SLC38A12: variants seen among roughly 807,000 people sequenced by gnomAD.
SLC38A12 encodes the protein putative sodium-coupled neutral amino acid transporter 12.
At chr17:74,805,547 AC>A in the SLC38A12 span, among the ~76,000 whole-genome samples, 2 of 152,120 alleles carry the variant, frequency 1.3e-5, no homozygotes, top group African/African-American at 4.8e-5. This position sits in a 1 kb window ranked among gnomAD's most constrained non-coding sequence, Gnocchi z 5.0. Flanking sequence ...TGCTGATGTC[AC>A]TTCTCAAACC....
At chr17:74,804,218 CG>C in the SLC38A12 span, among the ~76,000 whole-genome samples, 3 of 152,236 alleles carry the variant, frequency 2.0e-5, no homozygotes, top group Non-Finnish European at 4.4e-5. Context: ...TTCTATATAG[CG>C]CCCCAGGGCC....
At chr17:74,795,128 C>T in the SLC38A12 span, 22 of 1,608,456 alleles carry the variant, frequency 1.4e-5, no homozygotes, top group East Asian at 1.3e-4. Context: ...ACCCTCCTGG[C>T]CCCCAGGTTG....
At chr17:74,790,194 T>C in the SLC38A12 span, 3 of 1,610,990 alleles carry the variant, frequency 1.9e-6, no homozygotes, top group Non-Finnish European at 2.5e-6. Context: ...TCCTACTGGC[T>C]CCCAGGAGGA....
At chr17:74,837,682 G>A in the SLC38A12 span, 1 of 985,600 alleles carries the variant, frequency 1.0e-6, no homozygotes, top group Non-Finnish European at 1.2e-6. Flanking sequence ...TGGGCAATGT[G>A]GGGTTGGATG....
chr17:74,821,584 C>G, the SLC38A12 span, among the ~76,000 whole-genome samples: 1 of 152,316 alleles, frequency 6.6e-6, no homozygotes, highest in East Asian at 1.9e-4. Flanking sequence ...ATCAGAAACA[C>G]CAGGGCTCAG....
chr17:74,779,239 C>G, the SLC38A12 span, among the ~76,000 whole-genome samples: 1 of 152,192 alleles, frequency 6.6e-6, no homozygotes, highest in Non-Finnish European at 1.5e-5. Context: ...GGGGTCCTCT[C>G]ACATGTCAGC....
chr17:74,778,029 G>A, the SLC38A12 span, among the ~76,000 whole-genome samples: 1 of 152,156 alleles, frequency 6.6e-6, no homozygotes, highest in South Asian at 2.1e-4. Context: ...CTCAGCAGTT[G>A]GAAACCGCTT....
chr17:74,787,500 T>C, the SLC38A12 span, among the ~76,000 whole-genome samples: 1 of 151,654 alleles, frequency 6.6e-6, no homozygotes. Flanking sequence ...CGGGTGCCTG[T>C]AGTCCCAGCT....
the SLC38A12 span, among the ~76,000 whole-genome samples, chr17:74,791,875 G>A: frequency 0.027 from 4,100 of 151,978 alleles, 79 homozygotes; most frequent in Middle Eastern, 0.044. Flanking sequence ...GGCCGGGCAC[G>A]GTGGCTAACT....
the SLC38A12 span, among the ~76,000 whole-genome samples, chr17:74,818,367 T>G: frequency 6.6e-6 from 1 of 152,256 alleles, no homozygotes; most frequent in Non-Finnish European, 1.5e-5. Context: ...CCATGCCTGG[T>G]GGCTGCCAGG....
chr17:74,822,786 C>T, the SLC38A12 span, among the ~76,000 whole-genome samples: 2 of 152,196 alleles, frequency 1.3e-5, no homozygotes, highest in Admixed American at 1.3e-4. Flanking sequence ...CTGGAACCAG[C>T]GGGGTATTTT....
At chr17:74,821,596 C>T in the SLC38A12 span, among the ~76,000 whole-genome samples, 2 of 152,200 alleles carry the variant, frequency 1.3e-5, no homozygotes, top group African/African-American at 2.4e-5. Context: ...AGGGCTCAGC[C>T]GTCCACCCTT....
the SLC38A12 span, among the ~76,000 whole-genome samples, chr17:74,791,521 G>A: frequency 2.8e-4 from 43 of 152,264 alleles, no homozygotes; most frequent in African/African-American, 8.4e-4. Context: ...GATGGAGGCC[G>A]GTTGATGGTT....
chr17:74,815,387 A>T, the SLC38A12 span, among the ~76,000 whole-genome samples: 1 of 152,182 alleles, frequency 6.6e-6, no homozygotes, highest in African/African-American at 2.4e-5. Context: ...GGACCCGGAG[A>T]CTGTACAAGG....
the SLC38A12 span, among the ~76,000 whole-genome samples, chr17:74,821,417 G>A: frequency 6.6e-6 from 1 of 152,236 alleles, no homozygotes; most frequent in Non-Finnish European, 1.5e-5. Flanking sequence ...GCACTCACAA[G>A]TTCCAAAGCC....
chr17:74,826,952 C>T, the SLC38A12 span, among the ~76,000 whole-genome samples: 6 of 152,180 alleles, frequency 3.9e-5, no homozygotes, highest in Non-Finnish European at 7.3e-5. Flanking sequence ...TGGGGTCCTA[C>T]TTGCCCTCCT....
At chr17:74,835,184 G>A in the SLC38A12 span, among the ~76,000 whole-genome samples, 1 of 152,184 alleles carries the variant, frequency 6.6e-6, no homozygotes, top group African/African-American at 2.4e-5. Context: ...TCCCCTAGCT[G>A]TGCTGCCAGG....
the SLC38A12 span, among the ~76,000 whole-genome samples, chr17:74,778,904 G>A: frequency 6.6e-6 from 1 of 152,160 alleles, no homozygotes; most frequent in Non-Finnish European, 1.5e-5. Context: ...CTGACCTCAG[G>A]TGATCCACCC....
At chr17:74,785,677 A>T in the SLC38A12 span, 71 of 1,551,688 alleles carry the variant, frequency 4.6e-5, no homozygotes, top group South Asian at 7.8e-4. Context: ...AAGCCCGAAC[A>T]TGAGGGCACT....
Sources: gnomAD v4.1 joint callset for allele counts (sites outside exome capture counted in the v4.1 genomes callset) on GRCh38, gnomAD v4.1.1 for gene constraint, Gnocchi (gnomAD v3.1) non-coding constraint, MANE v1.5 for transcripts, NCBI Gene and HGNC (gene_info 2026-07-23, HGNC 2026-07-21) for gene names.